ASPH: variants seen among roughly 807,000 people sequenced by gnomAD.
ASPH encodes the protein aspartate beta-hydroxylase.
A neutral mutation model predicts 118.4 loss-of-function variants in ASPH; 100 were observed. That is an observed-to-expected ratio of 0.84 (90% CI 0.72 to 1.00). The LOEUF (loss-of-function observed/expected upper bound fraction) is 1.00. Ranked by LOEUF, ASPH falls within the 50% of genes least tolerant of loss-of-function variation. The pLI is 0.00. For missense variants in ASPH, 920 were observed against 919.5 expected (o/e 1.00, Z -0.01); for synonymous variants, 315 against 325.6 (o/e 0.97, Z 0.35).
At chr8:61,612,543 TG>T (rs1847774522) in intron 14 of ASPH, among the ~76,000 whole-genome samples, 1 of 152,106 alleles carries the variant, frequency 6.6e-6, no homozygotes, top group South Asian at 2.1e-4. Context: ...GGCTAATTTT[TG>T]TATTTTTAGT....
At chr8:61,508,502 C>A (rs1235216109) in intron 24 of ASPH, among the ~76,000 whole-genome samples, 1 of 152,140 alleles carries the variant, frequency 6.6e-6, no homozygotes, top group Non-Finnish European at 1.5e-5. Context: ...AATTTGGTCA[C>A]AGAATTACCA....
At chr8:61,653,924 A>G (rs1812364708) in intron 3 of ASPH, among the ~76,000 whole-genome samples, 1 of 152,202 alleles carries the variant, frequency 6.6e-6, no homozygotes. Context: ...TCTCTAAAAC[A>G]GTCATGTCTA....
At chr8:61,580,964 T>C (rs1213854093) in intron 15 of ASPH, among the ~76,000 whole-genome samples, 8 of 152,230 alleles carry the variant, frequency 5.3e-5, no homozygotes, top group Admixed American at 5.2e-4. Context: ...GCAACTTAAA[T>C]TGCAACTGTC....
At chr8:61,639,778 TCTCA>T (rs1267248131) in intron 10 of ASPH, among the ~76,000 whole-genome samples, 1 of 152,010 alleles carries the variant, frequency 6.6e-6, no homozygotes, top group Non-Finnish European at 1.5e-5. Flanking sequence ...CTCAAAGAAA[TCTCA>T]CTATCATCAT....
chr8:61,629,898 G>A (rs1238789688), intron 13 of ASPH, among the ~76,000 whole-genome samples: 1 of 152,170 alleles, frequency 6.6e-6, no homozygotes, highest in Non-Finnish European at 1.5e-5. Context: ...TCTACCACTT[G>A]TCAGCTCTGT....
At chr8:61,632,987 C>T in intron 13 of ASPH, 1 of 169,554 alleles carries the variant, frequency 5.9e-6, no homozygotes, top group South Asian at 1.3e-4. Flanking sequence ...TTTTCCAAAT[C>T]CTGTTTGATA....
rs1388035299 is a variant in ASPH, at chr8:61,714,511, C to G, written c.-140G>C. Reference sequence around the variant, plus strand: ...TGCTCCTGCAGCAGACCCTGTGCCTCAGCACCGCCTGCAGCACCTGGGAAG... The same window carrying G: ...TGCTCCTGCAGCAGACCCTGTGCCTGAGCACCGCCTGCAGCACCTGGGAAG... On this transcript the variant is annotated 5_prime_UTR_variant, in exon 1 of 25. Transcript: ENST00000379454. 4.1e-6 allele frequency: 5 copies of G among 1,232,092 alleles called. No individual in the cohort carries two copies. Among genetic ancestry groups the G allele is most frequent in the Non-Finnish European group, 5.2e-6 (5 of 958,416 alleles). The allele number at this position is 1,232,092 out of a possible 1,614,324, so 76.3% of individuals were successfully genotyped here.
chr8:61,529,152 C>T (rs1816613211), intron 21 of ASPH, among the ~76,000 whole-genome samples: 1 of 152,092 alleles, frequency 6.6e-6, no homozygotes, highest in African/African-American at 2.4e-5. Context: ...ACAGGTGGTG[C>T]CAAAACCCCT....
intron 12 of ASPH, among the ~76,000 whole-genome samples, chr8:61,634,228 A>C (rs921212822): frequency 1.3e-5 from 2 of 152,182 alleles, no homozygotes; most frequent in African/African-American, 4.8e-5. Context: ...CCCAGTTACA[A>C]TTAAAGAGAT....
At chr8:61,633,205 G>T (rs547986459) in intron 13 of ASPH, 13 of 155,032 alleles carry the variant, frequency 8.4e-5, no homozygotes, top group Admixed American at 4.6e-4. Context: ...TGAACTAAAA[G>T]GAAACACCCT....
intron 3 of ASPH, among the ~76,000 whole-genome samples, chr8:61,672,249 G>A (rs1335682537): frequency 1.3e-5 from 2 of 151,932 alleles, no homozygotes. Context: ...ATTAAAAAAA[G>A]AAGAAGAAAA....
chr8:61,581,716 T>A (rs1837599379), intron 15 of ASPH, among the ~76,000 whole-genome samples: 3 of 152,154 alleles, frequency 2.0e-5, no homozygotes, highest in Admixed American at 6.5e-5. Flanking sequence ...GGTGTGAACT[T>A]TCAGGTATTT....
intron 14 of ASPH, among the ~76,000 whole-genome samples, chr8:61,604,691 T>C (rs1934587859): frequency 6.6e-6 from 1 of 152,336 alleles, no homozygotes; most frequent in South Asian, 2.1e-4. Flanking sequence ...CATGTTTTGG[T>C]TGTTAACAGA....
At chr8:61,657,128 A>G (rs1345813998) in intron 3 of ASPH, 1 of 152,376 alleles carries the variant, frequency 6.6e-6, no homozygotes, top group East Asian at 1.9e-4. Flanking sequence ...CAGGGAGCAC[A>G]TTAGGGAAAA....
intron 24 of ASPH, among the ~76,000 whole-genome samples, chr8:61,515,941 C>A (rs2129617924): frequency 6.6e-6 from 1 of 152,294 alleles, no homozygotes; most frequent in Admixed American, 6.5e-5. Flanking sequence ...TTCCCACTGT[C>A]CCCATAGGAT....
intron 14 of ASPH, among the ~76,000 whole-genome samples, chr8:61,586,259 G>A (rs1256210090): frequency 1.3e-5 from 2 of 152,116 alleles, no homozygotes; most frequent in Non-Finnish European, 2.9e-5. Context: ...TCTCTTTAGC[G>A]GCTTTAACTA....
At chr8:61,543,397 C>T (rs991183487) in intron 21 of ASPH, among the ~76,000 whole-genome samples, 1 of 152,092 alleles carries the variant, frequency 6.6e-6, no homozygotes, top group Non-Finnish European at 1.5e-5. Context: ...TGGTGTTGAG[C>T]CCCCCTAGTG....
chr8:61,547,802 C>A (rs993158027), intron 21 of ASPH, among the ~76,000 whole-genome samples: 3 of 151,952 alleles, frequency 2.0e-5, no homozygotes, highest in Admixed American at 2.0e-4. Flanking sequence ...AAGCCACATT[C>A]CTTGGGGTAG....
chr8:61,511,089 T>C (rs1320095842), intron 24 of ASPH, among the ~76,000 whole-genome samples: 1 of 152,232 alleles, frequency 6.6e-6, no homozygotes, highest in Admixed American at 6.5e-5. Context: ...GAATTCATGA[T>C]GAATTAAAAA....
Sources: allele counts gnomAD v4.1 joint callset (sites outside exome capture counted in the v4.1 genomes callset), GRCh38; gene constraint gnomAD v4.1.1; transcripts MANE v1.5; gene names NCBI Gene and HGNC (gene_info 2026-07-23, HGNC 2026-07-21).